Variants in CFAP95 observed in about 807,000 individuals in gnomAD.
The protein encoded by CFAP95 is cilia and flagella associated protein 95.
At chr9:69,895,732 C>A in the CFAP95 span, among the ~76,000 whole-genome samples, 1 of 152,014 alleles carries the variant, frequency 6.6e-6, no homozygotes, top group Non-Finnish European at 1.5e-5. Flanking sequence ...GAGTTGTATT[C>A]TTTTAGTAGA....
the CFAP95 span, among the ~76,000 whole-genome samples, chr9:69,890,789 G>A: frequency 0.04 from 6,082 of 152,206 alleles, 363 homozygotes; most frequent in African/African-American, 0.14. Flanking sequence ...GGTCTCTTAC[G>A]TTTCCTTAAT....
the CFAP95 span, among the ~76,000 whole-genome samples, chr9:69,840,449 A>G: frequency 6.6e-6 from 1 of 152,166 alleles, no homozygotes; most frequent in African/African-American, 2.4e-5. Context: ...TTGCATTTAT[A>G]TGTCACCTTT....
chr9:69,832,379 A>G, the CFAP95 span, among the ~76,000 whole-genome samples: 8 of 152,268 alleles, frequency 5.3e-5, no homozygotes, highest in Non-Finnish European at 8.8e-5. Context: ...TGGAAATACT[A>G]TTGTTTGGTT....
At chr9:69,834,519 A>G in the CFAP95 span, among the ~76,000 whole-genome samples, 37 of 152,238 alleles carry the variant, frequency 2.4e-4, no homozygotes, top group Non-Finnish European at 2.2e-4. Flanking sequence ...TGTGTTTGGC[A>G]GTTAATCAGA....
the CFAP95 span, among the ~76,000 whole-genome samples, chr9:69,890,550 A>G: frequency 1.3e-5 from 2 of 152,244 alleles, no homozygotes; most frequent in East Asian, 3.8e-4. Context: ...AACTCTTAAC[A>G]GATGTTGTCG....
the CFAP95 span, among the ~76,000 whole-genome samples, chr9:69,869,906 A>G: frequency 2.0e-5 from 3 of 152,294 alleles, no homozygotes; most frequent in South Asian, 2.1e-4. Context: ...TGTCATAGAA[A>G]ATCATTAGTT....
At chr9:69,876,834 C>T in the CFAP95 span, among the ~76,000 whole-genome samples, 2 of 152,066 alleles carry the variant, frequency 1.3e-5, no homozygotes, top group Non-Finnish European at 1.5e-5. Context: ...GGGGTTTCAC[C>T]ATGTTGGCCA....
the CFAP95 span, among the ~76,000 whole-genome samples, chr9:69,881,764 A>G: frequency 6.6e-6 from 1 of 152,162 alleles, no homozygotes; most frequent in African/African-American, 2.4e-5. Context: ...TAATATGGAC[A>G]TTTTAACAAT....
the CFAP95 span, among the ~76,000 whole-genome samples, chr9:69,902,836 C>T: frequency 6.6e-6 from 1 of 152,058 alleles, no homozygotes; most frequent in East Asian, 1.9e-4. Context: ...TTGCATGTTT[C>T]TGATTCCTAG....
the CFAP95 span, among the ~76,000 whole-genome samples, chr9:69,836,351 T>C: frequency 6.6e-6 from 1 of 152,126 alleles, no homozygotes; most frequent in Non-Finnish European, 1.5e-5. Context: ...TTGGGGGCTG[T>C]CCTGTGCATT....
the CFAP95 span, among the ~76,000 whole-genome samples, chr9:69,899,112 G>A: frequency 7.2e-5 from 11 of 152,138 alleles, no homozygotes; most frequent in Admixed American, 4.6e-4. Context: ...CTACCTGAAG[G>A]GCTCAGAAAA....
chr9:69,847,960 T>C, the CFAP95 span, among the ~76,000 whole-genome samples: 1 of 152,162 alleles, frequency 6.6e-6, no homozygotes, highest in African/African-American at 2.4e-5. Flanking sequence ...AAGAATTAGG[T>C]CACTTATGCA....
chr9:69,893,965 A>G, the CFAP95 span, among the ~76,000 whole-genome samples: 1 of 152,190 alleles, frequency 6.6e-6, no homozygotes, highest in African/African-American at 2.4e-5. Flanking sequence ...ATCCTCTGCA[A>G]ATAAGGTAGT....
At chr9:69,884,263 G>A in the CFAP95 span, 1 of 152,130 alleles carries the variant, frequency 6.6e-6, no homozygotes, top group Non-Finnish European at 1.5e-5. Context: ...AAAGCAGGTA[G>A]CTGATCATTA....
At chr9:69,826,970 A>G in the CFAP95 span, among the ~76,000 whole-genome samples, 34 of 152,196 alleles carry the variant, frequency 2.2e-4, no homozygotes, top group Non-Finnish European at 1.0e-4. Flanking sequence ...TGATTTTCAC[A>G]GCCATGCTCT....
the CFAP95 span, among the ~76,000 whole-genome samples, chr9:69,902,863 A>G: frequency 3.3e-5 from 5 of 152,112 alleles, no homozygotes; most frequent in Non-Finnish European, 5.9e-5. Context: ...GCTTTGTCAC[A>G]AATTTCCTGT....
At chr9:69,847,052 A>G in the CFAP95 span, among the ~76,000 whole-genome samples, 1 of 152,180 alleles carries the variant, frequency 6.6e-6, no homozygotes, top group Non-Finnish European at 1.5e-5. Flanking sequence ...CACATGCCTA[A>G]AAACCTAAAT....
At chr9:69,856,581 G>T in the CFAP95 span, 1 of 1,609,670 alleles carries the variant, frequency 6.2e-7, no homozygotes, top group South Asian at 1.1e-5. Flanking sequence ...CACATGAAAA[G>T]TTGTCACAAA....
chr9:69,875,330 T>A, the CFAP95 span, among the ~76,000 whole-genome samples: 493 of 152,332 alleles, frequency 3.2e-3, 5 homozygotes, highest in African/African-American at 0.011. Flanking sequence ...AATGCCTTTT[T>A]AGAAAGATAA....
Sources: allele counts gnomAD v4.1 joint callset (sites outside exome capture counted in the v4.1 genomes callset), GRCh38; gene constraint gnomAD v4.1.1; transcripts MANE v1.5; gene names NCBI Gene and HGNC (gene_info 2026-07-23, HGNC 2026-07-21).